CSMD1: variants seen among roughly 807,000 people sequenced by gnomAD.
The protein encoded by CSMD1 is CUB and Sushi multiple domains 1.
A neutral mutation model predicts 417.5 loss-of-function variants in CSMD1; 213 were observed. That is an observed-to-expected ratio of 0.51 (90% CI 0.46 to 0.57). The LOEUF (loss-of-function observed/expected upper bound fraction) is 0.57. Among genes scored for constraint, CSMD1 ranks in the 20% least tolerant of loss-of-function variants. The pLI is 0.00. For missense variants in CSMD1, 6,923 were observed against 4,529.7 expected, an observed-to-expected ratio of 1.53 and a Z score of -15.17; for synonymous variants, 2,862 against 1,736.8, an observed-to-expected ratio of 1.65 and a Z score of -16.11.
At chr8:3,189,835 TG>T in intron 34 of CSMD1, 76 bp downstream of exon 34, 1 of 1,337,374 alleles carries the variant, frequency 7.5e-7, no homozygotes, top group Non-Finnish European at 1.0e-6. Context: ...TTACGTAGCC[TG>T]GATAGAAACA....
At chr8:4,253,170 T>G (rs1317716073) in intron 3 of CSMD1, among the ~76,000 whole-genome samples, 1 of 152,164 alleles carries the variant, frequency 6.6e-6, no homozygotes, top group African/African-American at 2.4e-5. Flanking sequence ...TAGGAAACAT[T>G]CTATCTGGTC....
At chr8:3,861,470 G>A (rs999702772) in intron 5 of CSMD1, among the ~76,000 whole-genome samples, 11 of 152,282 alleles carry the variant, frequency 7.2e-5, no homozygotes, top group South Asian at 2.1e-4. Context: ...CATTTGAGAG[G>A]CCATAGATTT....
chr8:4,193,346 C>G (rs940467004), intron 3 of CSMD1, among the ~76,000 whole-genome samples: 31 of 152,008 alleles, frequency 2.0e-4, no homozygotes, highest in African/African-American at 6.8e-4. Flanking sequence ...AAAAAAAATA[C>G]TCAATATATA....
intron 1 of CSMD1, among the ~76,000 whole-genome samples, chr8:4,819,461 C>T (rs1799396865): frequency 6.6e-6 from 1 of 152,004 alleles, no homozygotes; most frequent in African/African-American, 2.4e-5. Context: ...ATATTATTGC[C>T]AAATTGACAT....
rs71205423 is a variant in CSMD1, at chr8:4,146,594, ATTTTTTTTTTTTTTTTTTT to A, written c.416-114514_416-114496del. Among the ~76,000 whole-genome samples, 4 of 64,270 alleles carry A rather than the reference ATTTTTTTTTTTTTTTTTTT, an allele frequency of 6.2e-5. No individual in the cohort carries two copies. In the South Asian group the frequency reaches 1.7e-3, roughly 27 times the overall value. The allele number at this position is 64,270 out of a possible 152,430, so 42.2% of individuals were successfully genotyped here. A position where few individuals can be genotyped will look rare whatever the true frequency, so the allele number is the denominator to read the frequency against. ...TCTGTCTAAATGTTTATATGGACAC[ATTTTTTTTTTTTTTTTTTT>A]TTTTTTTTTTTTTTTTGAGACAGAG... is the stretch of plus-strand genomic sequence containing the variant. On this transcript the variant is annotated intron_variant, in intron 3 of 69. Coordinates refer to ENST00000635120, the MANE Select transcript of CSMD1 (RefSeq NM_033225.6).
intron 65 of CSMD1, among the ~76,000 whole-genome samples, chr8:2,952,500 T>C (rs1802703626): frequency 1.3e-5 from 2 of 152,128 alleles, no homozygotes; most frequent in South Asian, 4.1e-4. Context: ...ATAATAATAG[T>C]GATAATAAAA....
At chr8:2,949,600 C>T (rs993199280) in intron 67 of CSMD1, among the ~76,000 whole-genome samples, 7 of 152,126 alleles carry the variant, frequency 4.6e-5, no homozygotes, top group Non-Finnish European at 7.4e-5. Flanking sequence ...TATGCAAATG[C>T]TCACAATCTC....
intron 7 of CSMD1, chr8:3,704,728 C>T (rs192312536): frequency 6.6e-6 from 1 of 152,302 alleles, no homozygotes; most frequent in Admixed American, 6.5e-5. Flanking sequence ...CCTTAGACAA[C>T]CAGACCACTG....
At chr8:4,361,188 G>C (rs1020734036) in intron 3 of CSMD1, among the ~76,000 whole-genome samples, 1 of 151,980 alleles carries the variant, frequency 6.6e-6, no homozygotes, top group Admixed American at 6.5e-5. Flanking sequence ...TAAGCTGTGA[G>C]GCTTAAATTA....
intron 1 of CSMD1, among the ~76,000 whole-genome samples, chr8:4,795,211 G>A (rs1325905607): frequency 6.9e-6 from 1 of 144,646 alleles, no homozygotes; most frequent in African/African-American, 2.5e-5. Flanking sequence ...CACATATTGA[G>A]GTGCAATCAG....
At chr8:3,316,579 C>G (rs1270704187) in intron 23 of CSMD1, among the ~76,000 whole-genome samples, 1 of 152,142 alleles carries the variant, frequency 6.6e-6, no homozygotes, top group Non-Finnish European at 1.5e-5. Context: ...ACGCCATCCA[C>G]TCAGAGGGAG....
chr8:4,167,457 G>C (rs1184440749), intron 3 of CSMD1, among the ~76,000 whole-genome samples: 1 of 152,136 alleles, frequency 6.6e-6, no homozygotes, highest in Non-Finnish European at 1.5e-5. Flanking sequence ...GGAATAGAAT[G>C]ACGGTGGCTG....
Position 3,622,270 on chromosome 8 carries a change from C to A in CSMD1, c.1010-5473G>T, listed in dbSNP as rs192663019. On this transcript the variant is annotated intron_variant, in intron 7 of 69. Transcript: ENST00000635120. Reference sequence around the variant, plus strand: ...TGGATGTCTTCTATACTACCTCAAGCAAAATCATTATTGCTGTGGCAAATT... The same window carrying A: ...TGGATGTCTTCTATACTACCTCAAGAAAAATCATTATTGCTGTGGCAAATT... Among the ~76,000 whole-genome samples the A allele has an allele frequency of 1.0e-3, 158 of 152,258 alleles. 1 individual carries two copies. Among genetic ancestry groups the A allele is most frequent in the African/African-American group, 3.7e-3 (155 of 41,546 alleles).
chr8:4,986,087 T>C (rs1381911949), intron 1 of CSMD1, among the ~76,000 whole-genome samples: 1 of 152,206 alleles, frequency 6.6e-6, no homozygotes, highest in Non-Finnish European at 1.5e-5. Context: ...ATAAAAGGGA[T>C]AGTTTGAAAT....
chr8:3,538,316 G>A (rs529681964), intron 10 of CSMD1, among the ~76,000 whole-genome samples: 1 of 152,132 alleles, frequency 6.6e-6, no homozygotes, highest in Non-Finnish European at 1.5e-5. Flanking sequence ...GTACACGTGC[G>A]ATGCCTCATC....
At chr8:4,249,218 T>C (rs1436603173) in intron 3 of CSMD1, among the ~76,000 whole-genome samples, 3 of 152,186 alleles carry the variant, frequency 2.0e-5, no homozygotes, top group Non-Finnish European at 4.4e-5. Flanking sequence ...AGGAGGAATT[T>C]ATGGTAACAT....
intron 3 of CSMD1, among the ~76,000 whole-genome samples, chr8:4,168,871 T>C (rs550693031): frequency 1.5e-4 from 23 of 152,144 alleles, no homozygotes; most frequent in South Asian, 4.1e-4. Flanking sequence ...TTAGACACGG[T>C]GACTGATGAT....
intron 5 of CSMD1, among the ~76,000 whole-genome samples, chr8:3,972,057 G>A (rs533359925): frequency 1.3e-5 from 2 of 151,958 alleles, no homozygotes; most frequent in African/African-American, 2.4e-5. Flanking sequence ...TTTTCATAGA[G>A]ACAGGGGCTC....
chr8:4,273,997 G>T (rs1374170977), intron 3 of CSMD1, among the ~76,000 whole-genome samples: 1 of 152,084 alleles, frequency 6.6e-6, no homozygotes, highest in Non-Finnish European at 1.5e-5. Flanking sequence ...AGTGATAACC[G>T]CATGCATTTT....
Sources: allele counts gnomAD v4.1 joint callset (sites outside exome capture counted in the v4.1 genomes callset), GRCh38; gene constraint gnomAD v4.1.1; transcripts MANE v1.5; gene names NCBI Gene and HGNC (gene_info 2026-07-23, HGNC 2026-07-21).